CMIP: variants seen among roughly 807,000 people sequenced by gnomAD.
CMIP encodes the protein c-Maf inducing protein, also known as C-Maf-inducing protein.
Under a neutral mutation model 97.3 loss-of-function variants are expected in CMIP, and 13 were observed. The ratio of observed to expected loss-of-function variants is 0.13; its 90% CI spans 0.09 to 0.21. The LOEUF is 0.21. Among genes scored for constraint, CMIP ranks in the 10% least tolerant of loss-of-function variants. The pLI, the probability that CMIP is intolerant of heterozygous loss-of-function variation, is 1.00. For missense variants in CMIP, 847 were observed against 1,024.9 expected, an observed-to-expected ratio of 0.83 and a Z score of 2.37; for synonymous variants, 538 against 436.3, an observed-to-expected ratio of 1.23 and a Z score of -2.91.
chr16:81,626,937 G>A (rs2092079972), intron 3 of CMIP, among the ~76,000 whole-genome samples: 2 of 149,420 alleles, frequency 1.3e-5, no homozygotes. Context: ...TGTATGTGTG[G>A]TGTGTGGGGG....
At chr16:81,690,648 C>T (rs1223356312) in intron 10 of CMIP, among the ~76,000 whole-genome samples, 3 of 152,200 alleles carry the variant, frequency 2.0e-5, no homozygotes, top group Admixed American at 6.5e-5. Context: ...GGATTACAGG[C>T]GTGAGCCACC....
intron 1 of CMIP, among the ~76,000 whole-genome samples, chr16:81,599,997 T>C (rs751192927): frequency 3.0e-4 from 46 of 151,916 alleles, no homozygotes; most frequent in Admixed American, 1.7e-3. Flanking sequence ...AAAAAAGATA[T>C]ATGGCAGCAG....
intron 1 of CMIP, among the ~76,000 whole-genome samples, chr16:81,512,993 T>C (rs2089842666): frequency 6.6e-6 from 1 of 152,226 alleles, no homozygotes; most frequent in Non-Finnish European, 1.5e-5. Flanking sequence ...CTCCTCAGCG[T>C]CCCAAAGTGC....
At chr16:81,579,892 C>G (rs2091266687) in intron 1 of CMIP, among the ~76,000 whole-genome samples, 2 of 152,094 alleles carry the variant, frequency 1.3e-5, no homozygotes, top group South Asian at 4.1e-4. Flanking sequence ...GGAGGCGGAG[C>G]TTGCAGTGAG....
intron 1 of CMIP, among the ~76,000 whole-genome samples, chr16:81,463,163 G>A (rs990063918): frequency 5.3e-5 from 8 of 152,166 alleles, no homozygotes; most frequent in African/African-American, 1.9e-4. Flanking sequence ...TGGTAAGCAA[G>A]CACCACTAAG....
chr16:81,664,698 C>G, intron 7 of CMIP: 1 of 478,416 alleles, frequency 2.1e-6, no homozygotes, highest in Non-Finnish European at 3.7e-6. Context: ...GTGTGCTGCG[C>G]ACAGCGAGGT....
chr16:81,573,771 A>G (rs1046138228), intron 1 of CMIP, among the ~76,000 whole-genome samples: 4 of 152,176 alleles, frequency 2.6e-5, no homozygotes, highest in African/African-American at 9.7e-5. Context: ...CCTGGGTGGC[A>G]GTGTAATGTG....
rs552240168 is a variant in CMIP, at chr16:81,551,691, A to G, written c.301-55876A>G. On this transcript the variant is annotated intron_variant, in intron 1 of 20. Coordinates refer to ENST00000537098, the MANE Select transcript of CMIP (RefSeq NM_198390.3). ...TCACAGTCATTTGGTGACTAAGGCAAACTTCCCCCATCCAAGGTGGAAATT... is the reference window on the plus strand; with the variant it reads ...TCACAGTCATTTGGTGACTAAGGCAGACTTCCCCCATCCAAGGTGGAAATT... 5.8e-4 allele frequency among the ~76,000 whole-genome samples: 89 copies of G among 152,286 alleles called. No individual in the cohort carries two copies. The South Asian group carries it at 7.0e-3, about 12-fold the overall frequency.
At chr16:81,633,029 G>A (rs548509128) in intron 3 of CMIP, among the ~76,000 whole-genome samples, 10 of 152,232 alleles carry the variant, frequency 6.6e-5, no homozygotes, top group African/African-American at 9.6e-5. Flanking sequence ...GTCATCCAGC[G>A]CAGGCTTTGA....
chr16:81,677,264 G>A (rs1373886317), intron 9 of CMIP, among the ~76,000 whole-genome samples: 1 of 152,112 alleles, frequency 6.6e-6, no homozygotes, highest in Non-Finnish European at 1.5e-5. Context: ...TGGGCTTTGG[G>A]GTCCAGGAGA....
rs181092928 is a variant in CMIP, at chr16:81,622,845, A to T, written c.477+1919A>T. On this transcript the variant is annotated intron_variant, in intron 3 of 20. Coordinates refer to ENST00000537098, the MANE Select transcript of CMIP (RefSeq NM_198390.3). ...AAGGGGCAACCAACATGATGGGCAT[A>T]GAAATGGACTTCAGGAGGCTTTGGC... Among the ~76,000 whole-genome samples, 136 of 152,362 alleles carry T rather than the reference A, an allele frequency of 8.9e-4. 2 individuals are homozygous for T. The highest frequency in any genetic ancestry group is 3.2e-3 in the African/African-American group (135 of 41,580).
intron 10 of CMIP, among the ~76,000 whole-genome samples, chr16:81,685,232 C>T (rs35895536): frequency 2.0e-4 from 30 of 152,324 alleles, no homozygotes; most frequent in Non-Finnish European, 3.2e-4. Context: ...GCACCCCTCT[C>T]GGTCTTGTGG....
chr16:81,534,984 T>C (rs1012054895), intron 1 of CMIP, among the ~76,000 whole-genome samples: 3 of 152,214 alleles, frequency 2.0e-5, no homozygotes, highest in Non-Finnish European at 2.9e-5. Flanking sequence ...GGAGTCTTGC[T>C]CTGTCTCCCA....
intron 1 of CMIP, among the ~76,000 whole-genome samples, chr16:81,544,443 T>TGTGC (rs1555528726): frequency 2.6e-5 from 4 of 152,008 alleles, no homozygotes; most frequent in East Asian, 1.9e-4. Flanking sequence ...TGTGTGTGTG[T>TGTGC]GCGCGCACAC....
intron 1 of CMIP, among the ~76,000 whole-genome samples, chr16:81,461,742 G>A (rs561595329): frequency 2.6e-5 from 4 of 152,214 alleles, no homozygotes; most frequent in African/African-American, 9.6e-5. Context: ...GCAGTGCCTG[G>A]ATCTGGGTTC....
chr16:81,505,558 C>T (rs982629541), intron 1 of CMIP, among the ~76,000 whole-genome samples: 2 of 152,214 alleles, frequency 1.3e-5, no homozygotes, highest in African/African-American at 4.8e-5. Context: ...AACTGAAAGC[C>T]TTGTCTGTTT....
chr16:81,544,547 C>A (rs2090508545), intron 1 of CMIP, among the ~76,000 whole-genome samples: 1 of 151,816 alleles, frequency 6.6e-6, no homozygotes, highest in Non-Finnish European at 1.5e-5. Context: ...CTCCTTATTG[C>A]TATATCTTGG....
At chr16:81,498,926 T>C (rs2089544854) in intron 1 of CMIP, among the ~76,000 whole-genome samples, 1 of 152,220 alleles carries the variant, frequency 6.6e-6, no homozygotes, top group African/African-American at 2.4e-5. Flanking sequence ...CATTTATTTT[T>C]TAACACACAC....
chr16:81,645,269 G>T (rs2150995100), intron 3 of CMIP: 3 of 784,748 alleles, frequency 3.8e-6, no homozygotes, highest in Middle Eastern at 4.7e-4. Context: ...ATTTCCCTGT[G>T]GGGTCCTCCT....
Sources: gnomAD v4.1 joint callset for allele counts (sites outside exome capture counted in the v4.1 genomes callset) on GRCh38, gnomAD v4.1.1 for gene constraint, MANE v1.5 for transcripts, NCBI Gene and HGNC (gene_info 2026-07-23, HGNC 2026-07-21) for gene names.